Variants in PCDH15 observed in about 807,000 individuals in gnomAD.
PCDH15 encodes the protein protocadherin-15.
A neutral mutation model predicts 178.5 loss-of-function variants in PCDH15; 129 were observed. That is an observed-to-expected ratio of 0.72 (90% confidence interval 0.63 to 0.84). The LOEUF is 0.84. PCDH15 is among the 40% of genes least tolerant of loss of function. PCDH15 has a pLI of 0.00. For synonymous variants in PCDH15, 800 were observed against 732.0 expected (o/e 1.09, Z -1.50); for missense variants, 2,230 against 2,099.9 (o/e 1.06, Z -1.21).
chr10:54,031,701 A>G (rs1334905080), intron 18 of PCDH15, among the ~76,000 whole-genome samples: 2 of 152,118 alleles, frequency 1.3e-5, no homozygotes, highest in African/African-American at 2.4e-5. Context: ...AGTAAGCATT[A>G]GGAAGAAACT....
intron 2 of PCDH15, among the ~76,000 whole-genome samples, chr10:55,379,621 A>G (rs1264550535): frequency 6.6e-6 from 1 of 152,032 alleles, no homozygotes; most frequent in African/African-American, 2.4e-5. Flanking sequence ...ATACTTATTT[A>G]GCTGTAAATA....
intron 5 of PCDH15, among the ~76,000 whole-genome samples, chr10:54,346,761 T>G (rs1009989052): frequency 2.6e-5 from 4 of 152,200 alleles, no homozygotes; most frequent in Non-Finnish European, 5.9e-5. Flanking sequence ...TAGCCATTAG[T>G]ATGTTAGCTC....
At chr10:54,993,203 A>G (rs1391159691) in intron 2 of PCDH15, among the ~76,000 whole-genome samples, 4 of 152,220 alleles carry the variant, frequency 2.6e-5, no homozygotes. Context: ...AAGAATTCAA[A>G]GAAATTTTCA....
chr10:55,465,470 C>T (rs935816457), intron 2 of PCDH15, among the ~76,000 whole-genome samples: 2 of 152,048 alleles, frequency 1.3e-5, no homozygotes, highest in African/African-American at 4.8e-5. Flanking sequence ...GGACCAATGG[C>T]AGAGCTTTTA....
intron 2 of PCDH15, among the ~76,000 whole-genome samples, chr10:55,039,219 T>TA (rs1255701321): frequency 6.6e-6 from 1 of 151,718 alleles, no homozygotes; most frequent in African/African-American, 2.4e-5. Context: ...GAGAGAAAGG[T>TA]AAAAAATTAA....
At chr10:53,941,643 T>G (rs996189282) in intron 23 of PCDH15, among the ~76,000 whole-genome samples, 1 of 152,220 alleles carries the variant, frequency 6.6e-6, no homozygotes, top group African/African-American at 2.4e-5. Context: ...TAGGTTTTTG[T>G]GACTCTAAGA....
At chr10:54,108,158 A>C (rs112081644) in intron 15 of PCDH15, among the ~76,000 whole-genome samples, 3 of 152,282 alleles carry the variant, frequency 2.0e-5, no homozygotes, top group African/African-American at 7.2e-5. Context: ...AACAACTTTC[A>C]TAACAAGAAA....
chr10:54,041,225 C>T (rs1174608946), intron 18 of PCDH15, among the ~76,000 whole-genome samples: 3 of 152,026 alleles, frequency 2.0e-5, no homozygotes, highest in Non-Finnish European at 2.9e-5. Context: ...CTGAATTTGC[C>T]TCTCAGTAAA....
chr10:54,832,836 T>TATC (rs1275903919), intron 3 of PCDH15, among the ~76,000 whole-genome samples: 1 of 152,216 alleles, frequency 6.6e-6, no homozygotes, highest in East Asian at 1.9e-4. Context: ...GGTAAACAAA[T>TATC]ATCACAGAAG....
intron 3 of PCDH15, among the ~76,000 whole-genome samples, chr10:54,874,646 G>T (rs989471073): frequency 3.3e-5 from 5 of 151,150 alleles, no homozygotes; most frequent in Admixed American, 2.6e-4. Flanking sequence ...AATGACTTGA[G>T]AAAAAAACAC....
intron 28 of PCDH15, among the ~76,000 whole-genome samples, chr10:53,845,143 G>A (rs540875906): frequency 3.3e-5 from 5 of 151,820 alleles, no homozygotes; most frequent in African/African-American, 1.2e-4. Context: ...AATCATCAAG[G>A]CAATGAAAAT....
chr10:55,455,608 G>GA (rs58350046), intron 2 of PCDH15, among the ~76,000 whole-genome samples: 2 of 151,734 alleles, frequency 1.3e-5, no homozygotes, highest in Admixed American at 1.3e-4. Context: ...ATTATTAATT[G>GA]AAAAAAAAGG....
chr10:54,892,239 T>C (rs1954476338), intron 3 of PCDH15, among the ~76,000 whole-genome samples: 1 of 152,136 alleles, frequency 6.6e-6, no homozygotes, highest in African/African-American at 2.4e-5. Flanking sequence ...AACAAGAATA[T>C]GGAGGCTTCT....
At chr10:54,619,803 C>T (rs952108243) in intron 2 of PCDH15, among the ~76,000 whole-genome samples, 1 of 151,960 alleles carries the variant, frequency 6.6e-6, no homozygotes, top group Non-Finnish European at 1.5e-5. Flanking sequence ...TATTTCTATT[C>T]TTCTAAAGTT....
At chr10:55,106,149 T>C (rs1842669221) in intron 2 of PCDH15, among the ~76,000 whole-genome samples, 1 of 152,148 alleles carries the variant, frequency 6.6e-6, no homozygotes, top group Non-Finnish European at 1.5e-5. Context: ...GTTTACAAGA[T>C]AGGATTGAAA....
At chr10:54,567,590 T>C (rs887446915) in intron 2 of PCDH15, among the ~76,000 whole-genome samples, 1 of 152,162 alleles carries the variant, frequency 6.6e-6, no homozygotes, top group African/African-American at 2.4e-5. Context: ...AATGCAAAGC[T>C]AAAAAATGAA....
At chr10:55,251,422 A>G (rs1466395908) in intron 1 of PCDH15, among the ~76,000 whole-genome samples, 1 of 152,058 alleles carries the variant, frequency 6.6e-6, no homozygotes, top group Non-Finnish European at 1.5e-5. Flanking sequence ...CATTTCTATA[A>G]TTTTGTAATT....
At chr10:55,309,456 G>A (rs763433728) in intron 1 of PCDH15, among the ~76,000 whole-genome samples, 2 of 151,740 alleles carry the variant, frequency 1.3e-5, no homozygotes, top group African/African-American at 4.9e-5. Flanking sequence ...GGTCGAGGCT[G>A]CAGCGAGCTA....
intron 2 of PCDH15, among the ~76,000 whole-genome samples, chr10:54,968,108 T>C (rs759971101): frequency 5.3e-5 from 8 of 152,182 alleles, no homozygotes; most frequent in Non-Finnish European, 1.2e-4. Context: ...CTTACACTTA[T>C]ACATACATAT....
Sources: allele counts gnomAD v4.1 joint callset (sites outside exome capture counted in the v4.1 genomes callset), GRCh38; gene constraint gnomAD v4.1.1; transcripts MANE v1.5; gene names NCBI Gene and HGNC (gene_info 2026-07-23, HGNC 2026-07-21).